The following MYCT1 variants were observed in gnomAD, a reference collection of about 807,000 sequenced individuals.
MYCT1 encodes MYC target 1.
Under a neutral mutation model 15.0 loss-of-function variants are expected in MYCT1, and 12 were observed. That is an observed-to-expected ratio of 0.80 (90% confidence interval 0.51 to 1.29). The LOEUF (loss-of-function observed/expected upper bound fraction) is 1.29, where lower values mean the gene tolerates loss of function less well. Among genes scored for constraint, MYCT1 ranks in the 50% most tolerant of loss-of-function variants. The pLI is 0.00. For synonymous variants in MYCT1, 104 were observed against 102.7 expected (o/e 1.01, Z -0.07); for missense variants, 287 against 279.1 (o/e 1.03, Z -0.20).
intron 1 of MYCT1, among the ~76,000 whole-genome samples, chr6:152,699,311 G>GA (rs138354830): frequency 6.6e-6 from 1 of 151,540 alleles, no homozygotes; most frequent in Non-Finnish European, 1.5e-5. Context: ...TTCAGCATAA[G>GA]AAAAAAAAGA....
At chr6:152,708,839 T>A (rs1176831285) in intron 1 of MYCT1, among the ~76,000 whole-genome samples, 2 of 149,038 alleles carry the variant, frequency 1.3e-5, no homozygotes, top group African/African-American at 4.9e-5. Flanking sequence ...CTGTTTCACC[T>A]GAAAGAGTAT....
the MYCT1 span, among the ~76,000 whole-genome samples, chr6:152,746,196 G>A: frequency 6.6e-6 from 1 of 152,190 alleles, no homozygotes; most frequent in Non-Finnish European, 1.5e-5. Context: ...GATCCATATA[G>A]TAAACACAGA....
chr6:152,715,779 C>T (rs1245110208), intron 1 of MYCT1, among the ~76,000 whole-genome samples: 1 of 152,056 alleles, frequency 6.6e-6, no homozygotes, highest in African/African-American at 2.4e-5. Flanking sequence ...AGATTACAAC[C>T]AGGGATGGGC....
At chr6:152,708,014 G>A (rs538490972) in intron 1 of MYCT1, among the ~76,000 whole-genome samples, 46 of 151,814 alleles carry the variant, frequency 3.0e-4, no homozygotes, top group African/African-American at 1.1e-3. Flanking sequence ...AATACAAACA[G>A]CCTGTTTATT....
intron 1 of MYCT1, among the ~76,000 whole-genome samples, chr6:152,717,378 G>A (rs910495853): frequency 6.6e-6 from 1 of 152,112 alleles, no homozygotes; most frequent in African/African-American, 2.4e-5. Context: ...TATTCTGCAA[G>A]GTATAAGAAT....
At chr6:152,737,269 T>G in the MYCT1 span, among the ~76,000 whole-genome samples, 1 of 151,850 alleles carries the variant, frequency 6.6e-6, no homozygotes, top group Non-Finnish European at 1.5e-5. Flanking sequence ...CAATAAAGAG[T>G]TTGAAGTAGA....
chr6:152,735,063 A>G, the MYCT1 span, among the ~76,000 whole-genome samples: 6 of 152,366 alleles, frequency 3.9e-5, no homozygotes, highest in Non-Finnish European at 5.9e-5. Flanking sequence ...AAGGAAATTT[A>G]TCTCCAATGT....
chr6:152,743,119 G>A, the MYCT1 span, among the ~76,000 whole-genome samples: 194 of 152,236 alleles, frequency 1.3e-3, no homozygotes, highest in Non-Finnish European at 2.3e-3. Flanking sequence ...GCAGTCACAT[G>A]ATCTCAGCTC....
At chr6:152,699,522 G>A (rs1464973972) in intron 1 of MYCT1, among the ~76,000 whole-genome samples, 2 of 152,126 alleles carry the variant, frequency 1.3e-5, no homozygotes, top group East Asian at 3.9e-4. Context: ...AATTGTAGAT[G>A]TCTGATTATA....
At chr6:152,703,084 A>G (rs898559532) in intron 1 of MYCT1, among the ~76,000 whole-genome samples, 1 of 152,208 alleles carries the variant, frequency 6.6e-6, no homozygotes, top group Non-Finnish European at 1.5e-5. Flanking sequence ...CAAGCCTTGT[A>G]AAACAAATTG....
intron 1 of MYCT1, among the ~76,000 whole-genome samples, chr6:152,707,450 T>C (rs2099722486): frequency 6.6e-6 from 1 of 152,118 alleles, no homozygotes; most frequent in African/African-American, 2.4e-5. Flanking sequence ...TCTCATTCTG[T>C]AGGCGTCTCT....
At chr6:152,744,769 C>A in the MYCT1 span, among the ~76,000 whole-genome samples, 2 of 152,124 alleles carry the variant, frequency 1.3e-5, no homozygotes, top group Non-Finnish European at 2.9e-5. Context: ...ACGATGTAGT[C>A]CATAAAGGTC....
chr6:152,707,678 T>C (rs1367319408), intron 1 of MYCT1, among the ~76,000 whole-genome samples: 1 of 152,072 alleles, frequency 6.6e-6, no homozygotes, highest in Non-Finnish European at 1.5e-5. Context: ...TTCTATATAG[T>C]ATGAGATAAG....
intron 1 of MYCT1, among the ~76,000 whole-genome samples, chr6:152,719,312 C>T (rs1276594838): frequency 6.6e-6 from 1 of 152,158 alleles, no homozygotes; most frequent in East Asian, 1.9e-4. Flanking sequence ...AATTTTTATG[C>T]AATTTATATT....
At chr6:152,736,178 G>A in the MYCT1 span, among the ~76,000 whole-genome samples, 1 of 152,092 alleles carries the variant, frequency 6.6e-6, no homozygotes, top group Admixed American at 6.6e-5. Flanking sequence ...TATTCACAGA[G>A]CTCATAAGAT....
downstream of MYCT1, among the ~76,000 whole-genome samples, chr6:152,727,166 G>A (rs529298477): frequency 1.4e-4 from 21 of 148,660 alleles, no homozygotes; most frequent in Middle Eastern, 3.5e-3. Flanking sequence ...AGCCGAGATC[G>A]CACCACTGCA....
chr6:152,706,128 A>G (rs1583966247), intron 1 of MYCT1: 1 of 1,492,622 alleles, frequency 6.7e-7, no homozygotes, highest in Non-Finnish European at 9.3e-7. Context: ...GCATGTTCTA[A>G]CTCCTAGAAT....
chr6:152,736,580 G>A, the MYCT1 span, among the ~76,000 whole-genome samples: 1 of 152,040 alleles, frequency 6.6e-6, no homozygotes, highest in Non-Finnish European at 1.5e-5. Flanking sequence ...GGTGTATAAG[G>A]TCATGGATGC....
chr6:152,728,774 C>G (rs748604438), downstream of MYCT1, among the ~76,000 whole-genome samples: 1 of 151,954 alleles, frequency 6.6e-6, no homozygotes, highest in Non-Finnish European at 1.5e-5. Context: ...CCCAGCTACT[C>G]GGGAGGCTGT....
Sources: allele counts gnomAD v4.1 joint callset (sites outside exome capture counted in the v4.1 genomes callset), GRCh38; gene constraint gnomAD v4.1.1; transcripts MANE v1.5; gene names NCBI Gene and HGNC (gene_info 2026-07-23, HGNC 2026-07-21).